B3GALT1: variants seen among roughly 807,000 people sequenced by gnomAD.
The protein encoded by B3GALT1 is beta-1,3-galactosyltransferase 1.
Under a neutral mutation model 23.2 loss-of-function variants are expected in B3GALT1, and 10 were observed. The observed-to-expected ratio is 0.43, with a 90% CI of 0.27 to 0.73. B3GALT1 has a LOEUF of 0.73. B3GALT1 is among the 30% of genes least tolerant of loss of function. The pLI is 0.21. For missense variants in B3GALT1, 299 were observed against 405.4 expected (o/e 0.74, Z 2.25); for synonymous variants, 156 against 141.5 (o/e 1.10, Z -0.73).
chr2:167,811,697 C>T (rs1411758326), intron 3 of B3GALT1, among the ~76,000 whole-genome samples: 7 of 152,150 alleles, frequency 4.6e-5, no homozygotes, highest in Non-Finnish European at 8.8e-5. Flanking sequence ...GTAAGCACCA[C>T]CTCCCAATCT....
intron 3 of B3GALT1, among the ~76,000 whole-genome samples, chr2:167,802,331 C>A (rs1229859715): frequency 6.6e-6 from 1 of 152,208 alleles, no homozygotes; most frequent in Non-Finnish European, 1.5e-5. Flanking sequence ...AGAAAACAGA[C>A]TGAGAGAGGG....
chr2:167,302,184 T>G (rs953339476), intron 1 of B3GALT1, among the ~76,000 whole-genome samples: 2 of 152,176 alleles, frequency 1.3e-5, no homozygotes, highest in Non-Finnish European at 2.9e-5. Context: ...CAAAATTTAG[T>G]ATGAAGAAGG....
chr2:167,560,236 T>A (rs1260423751), intron 2 of B3GALT1, among the ~76,000 whole-genome samples: 1 of 151,872 alleles, frequency 6.6e-6, no homozygotes, highest in Non-Finnish European at 1.5e-5. Flanking sequence ...AATAAAATAC[T>A]TTACAGACAA....
chr2:167,531,108 C>T (rs187456763), intron 2 of B3GALT1, among the ~76,000 whole-genome samples: 4 of 152,276 alleles, frequency 2.6e-5, no homozygotes, highest in Admixed American at 2.6e-4. Flanking sequence ...CAAACACAGA[C>T]ATCAACATTC....
chr2:167,409,159 C>T (rs1028534027), intron 1 of B3GALT1, among the ~76,000 whole-genome samples: 2 of 152,140 alleles, frequency 1.3e-5, no homozygotes, highest in African/African-American at 4.8e-5. Context: ...GTAACCTGAC[C>T]TTTCTCTCTG....
chr2:167,584,709 G>A (rs905289406), intron 2 of B3GALT1, among the ~76,000 whole-genome samples: 5 of 152,128 alleles, frequency 3.3e-5, no homozygotes, highest in African/African-American at 1.2e-4. Context: ...TGACTAATTT[G>A]CTAGAGTGAC....
At chr2:167,819,032 C>T (rs1355719802) in intron 4 of B3GALT1, among the ~76,000 whole-genome samples, 1 of 151,996 alleles carries the variant, frequency 6.6e-6, no homozygotes, top group African/African-American at 2.4e-5. Context: ...TTCCAGGATA[C>T]ATGTGTAGGA....
intron 4 of B3GALT1, among the ~76,000 whole-genome samples, chr2:167,826,766 A>G (rs528163479): frequency 6.6e-6 from 1 of 152,354 alleles, no homozygotes; most frequent in South Asian, 2.1e-4. Context: ...CAACACAACA[A>G]TAAAAGATAA....
At chr2:167,466,451 C>T (rs1033137256) in intron 1 of B3GALT1, among the ~76,000 whole-genome samples, 2 of 151,410 alleles carry the variant, frequency 1.3e-5, no homozygotes, top group African/African-American at 4.8e-5. Context: ...AACCCTGTCT[C>T]TACTAAAAAT....
chr2:167,406,807 T>A (rs772777532), intron 1 of B3GALT1, among the ~76,000 whole-genome samples: 1 of 152,030 alleles, frequency 6.6e-6, no homozygotes, highest in Non-Finnish European at 1.5e-5. Flanking sequence ...CAGATACAGA[T>A]CCCCTGGGGA....
At chr2:167,816,831 G>A (rs1438831160) in intron 3 of B3GALT1, among the ~76,000 whole-genome samples, 2 of 152,210 alleles carry the variant, frequency 1.3e-5, no homozygotes, top group Admixed American at 6.5e-5. Flanking sequence ...AGTGCTATAT[G>A]CACTTTAAAG....
chr2:167,323,371 C>T (rs547223356), intron 1 of B3GALT1, among the ~76,000 whole-genome samples: 1 of 152,176 alleles, frequency 6.6e-6, no homozygotes, highest in East Asian at 1.9e-4. Flanking sequence ...CTTATTTCTA[C>T]ATATAGGACT....
rs1450922920 is a variant in B3GALT1 at position 167,517,991 on chromosome 2, C to T, written c.-410+27714C>T. Among the ~76,000 whole-genome samples the T allele has an allele frequency of 3.3e-5, 5 of 152,172 alleles. No individual in the cohort carries two copies. The East Asian group carries it at 9.7e-4, about 29-fold the overall frequency. On this transcript the variant is annotated intron_variant, in intron 2 of 4. Transcript: ENST00000392690. Reference sequence around the variant, plus strand: ...TTGATCCCAATATCCGTGAACTCTCCTTGCCATGAGATTTCCTGGTCTAAA... The same window carrying T: ...TTGATCCCAATATCCGTGAACTCTCTTTGCCATGAGATTTCCTGGTCTAAA...
chr2:167,662,218 A>C (rs776599122), intron 3 of B3GALT1, among the ~76,000 whole-genome samples: 1 of 152,110 alleles, frequency 6.6e-6, no homozygotes, highest in Non-Finnish European at 1.5e-5. Context: ...ACATGAAAAT[A>C]TTTGTCATCC....
At chr2:167,563,346 C>T (rs531814829) in intron 2 of B3GALT1, among the ~76,000 whole-genome samples, 174 of 143,510 alleles carry the variant, frequency 1.2e-3, no homozygotes, top group African/African-American at 4.0e-3. Context: ...GGCGGCTGGC[C>T]GGGCGGGGGG....
intron 2 of B3GALT1, among the ~76,000 whole-genome samples, chr2:167,570,265 G>A (rs1684266057): frequency 1.3e-5 from 2 of 151,810 alleles, no homozygotes; most frequent in Admixed American, 1.3e-4. Context: ...ATGTTTGGTA[G>A]AATTCATCAG....
chr2:167,675,441 A>G (rs1471267411), intron 3 of B3GALT1, among the ~76,000 whole-genome samples: 1 of 152,218 alleles, frequency 6.6e-6, no homozygotes, highest in Non-Finnish European at 1.5e-5. Flanking sequence ...ATCTAAAGGA[A>G]AAATATATAA....
intron 1 of B3GALT1, among the ~76,000 whole-genome samples, chr2:167,448,105 T>G (rs1412526279): frequency 6.6e-6 from 1 of 152,232 alleles, no homozygotes; most frequent in African/African-American, 2.4e-5. Context: ...GTATCTTTTT[T>G]GTATAATGAC....
chr2:167,581,568 C>A (rs1684483818), intron 2 of B3GALT1, among the ~76,000 whole-genome samples: 1 of 152,208 alleles, frequency 6.6e-6, no homozygotes. Flanking sequence ...ACCAGATCTC[C>A]TAGTTCTTGT....
Sources: allele counts gnomAD v4.1 joint callset (sites outside exome capture counted in the v4.1 genomes callset), GRCh38; gene constraint gnomAD v4.1.1; transcripts MANE v1.5; gene names NCBI Gene and HGNC (gene_info 2026-07-23, HGNC 2026-07-21).